ALG8: variants seen among roughly 807,000 people sequenced by gnomAD.
The protein encoded by ALG8 is dolichyl pyrophosphate Glc1Man9GlcNAc2 alpha-1,3-glucosyltransferase.
A neutral mutation model predicts 70.2 loss-of-function variants in ALG8; 48 were observed. The ratio of observed to expected loss-of-function variants is 0.68; its 90% CI spans 0.54 to 0.87. ALG8 has a LOEUF of 0.87. ALG8 is among the 40% of genes least tolerant of loss of function. The probability of loss-of-function intolerance (pLI) is 0.00; values close to 1 mark genes in which losing one functional copy is unlikely to be tolerated. For missense variants in ALG8, 572 were observed against 608.7 expected, an observed-to-expected ratio of 0.94 and a Z score of 0.64; for synonymous variants, 234 against 229.0, an observed-to-expected ratio of 1.02 and a Z score of -0.20.
intron 9 of ALG8, chr11:78,107,878 G>GACTC (rs1357242946): frequency 1.3e-5 from 2 of 150,998 alleles, no homozygotes; most frequent in African/African-American, 4.9e-5. Flanking sequence ...CGGGCCTAGT[G>GACTC]ACTCACGCCT....
At chr11:78,122,485 T>A (rs890140886) in intron 3 of ALG8, among the ~76,000 whole-genome samples, 3 of 151,756 alleles carry the variant, frequency 2.0e-5, no homozygotes, top group Non-Finnish European at 4.4e-5. Context: ...GGGACAACAG[T>A]CCCCGGCAAC....
rs1255637283 is a variant in ALG8, at chr11:78,112,807, T to C, written c.778-37A>G. 6.2e-6 allele frequency: 10 copies of C among 1,606,568 alleles called. 1 individual carries two copies. In the South Asian group the frequency reaches 1.1e-4, roughly 18 times the overall value. On this transcript the variant is annotated intron_variant, in intron 7 of 12. Coordinates refer to ENST00000299626, the MANE Select transcript of ALG8 (RefSeq NM_024079.5). ...AGAAATGAAACTGATTAAACAGTCATCAATCTTTTTCAAATTCAAAAAGAG... is the reference window on the plus strand; with the variant it reads ...AGAAATGAAACTGATTAAACAGTCACCAATCTTTTTCAAATTCAAAAAGAG...
intron 2 of ALG8, among the ~76,000 whole-genome samples, 167 bp downstream of exon 2, chr11:78,127,191 C>A (rs1861117615): frequency 6.6e-6 from 1 of 152,074 alleles, no homozygotes; most frequent in South Asian, 2.1e-4. Flanking sequence ...GTTGGCCAGG[C>A]TGGTCTCCAA....
chr11:78,113,722 C>CA (rs1434730140), intron 7 of ALG8, among the ~76,000 whole-genome samples, 164 bp downstream of exon 7: 8 of 53,728 alleles, frequency 1.5e-4, no homozygotes, highest in East Asian at 8.2e-4. Context: ...TAAACAAAAA[C>CA]AAAAAAAAAA....
chr11:78,121,925 C>T (rs1860841109), intron 3 of ALG8, among the ~76,000 whole-genome samples: 1 of 152,094 alleles, frequency 6.6e-6, no homozygotes, highest in South Asian at 2.1e-4. Flanking sequence ...TAACAGGTGA[C>T]AAAACAGTAA....
chr11:78,138,515 G>A (rs1251652454), intron 1 of ALG8, among the ~76,000 whole-genome samples: 2 of 152,096 alleles, frequency 1.3e-5, no homozygotes, highest in African/African-American at 4.8e-5. Flanking sequence ...CATCAGTATG[G>A]ACTTACATTC....
In ALG8 at chr11:78,119,255, C is replaced by T. The variant is rs1860713030; in HGVS notation, c.479-6G>A. 5 of 1,607,902 alleles carry T rather than the reference C, an allele frequency of 3.1e-6. No homozygotes were observed. The East Asian group carries it at 8.9e-5, about 29-fold the overall frequency. ...ATTGTACTGAAAATGAATATCTGGA[C>T]TTAGGTCAAGGAAAGACAACAGAGG... On this transcript the variant is annotated splice_region_variant and splice_polypyrimidine_tract_variant and intron_variant, in intron 4 of 12. Transcript: ENST00000299626.
chr11:78,112,918 G>A (rs963192199), intron 7 of ALG8, 148 bp from the exon 8 acceptor site: 4 of 940,310 alleles, frequency 4.3e-6, no homozygotes, highest in Non-Finnish European at 6.3e-6. Flanking sequence ...TCACCACAAT[G>A]TAAGTTCACA....
rs896148127 is a variant in ALG8 at position 78,127,435 on chromosome 11, G to A, written c.97C>T (p.His33Tyr). ...CGGTGTACTTCAAAATCTGTGGAATGGCTACTCAAAACAATTAGATAAATA... is the reference window on the plus strand; with the variant it reads ...CGGTGTACTTCAAAATCTGTGGAATAGCTACTCAAAACAATTAGATAAATA... ...LLKCLLIPTY[H>Y]STDFEVHRNW... The change falls in exon 2 of 13, where the codon CAT becomes TAT. Residue 33 changes from histidine to tyrosine, a missense_variant and splice_region_variant. Transcript: ENST00000299626. The A allele has an allele frequency of 4.3e-6, 7 of 1,613,124 alleles. No individual in the cohort carries two copies. The highest frequency in any genetic ancestry group is 5.9e-6 in the Non-Finnish European group (7 of 1,179,220).
chr11:78,104,265 T>TA, intron 11 of ALG8, 91 bp downstream of exon 11: 1 of 1,215,942 alleles, frequency 8.2e-7, no homozygotes, highest in Non-Finnish European at 1.1e-6. Flanking sequence ...CAAGAGATTT[T>TA]AGAGTTGTTT....
chr11:78,135,864 G>GAAA (rs57209723), intron 1 of ALG8, among the ~76,000 whole-genome samples: 2,364 of 140,764 alleles, frequency 0.017, 77 homozygotes, highest in African/African-American at 0.059. Flanking sequence ...AAATAAATAA[G>GAAA]AAAAAAAAAA....
intron 1 of ALG8, among the ~76,000 whole-genome samples, chr11:78,134,184 C>A (rs1259100964): frequency 6.6e-6 from 1 of 150,910 alleles, no homozygotes; most frequent in Admixed American, 6.6e-5. Context: ...GTCACCCAGG[C>A]TGGAGTGCAA....
Position 78,127,342 on chromosome 11 carries a change from G to A in ALG8, c.174+16C>T. The A allele has an allele frequency of 6.3e-7, 1 of 1,592,424 alleles. No homozygotes were observed. Among genetic ancestry groups the A allele is most frequent in the South Asian group, 1.1e-5 (1 of 89,278 alleles). On this transcript the variant is annotated intron_variant, in intron 2 of 12. Coordinates refer to ENST00000299626, the MANE Select transcript of ALG8 (RefSeq NM_024079.5). ...AGATGAATCTTAAAAAAAAAAAGGT[G>A]AAAATTAAAACTTACCTCATAATAC...
chr11:78,113,418 T>C (rs1302290850), intron 7 of ALG8, among the ~76,000 whole-genome samples: 3 of 152,100 alleles, frequency 2.0e-5, no homozygotes, highest in Admixed American at 6.6e-5. Flanking sequence ...TCTGAAAGAA[T>C]ACTACCTTAT....
intron 1 of ALG8, 58 bp downstream of exon 1, chr11:78,139,436 C>G: frequency 6.6e-7 from 1 of 1,522,486 alleles, no homozygotes; most frequent in African/African-American, 1.4e-5. Flanking sequence ...CCTTTCTCTC[C>G]CGCCCTGACC....
rs114660465 is a variant in ALG8 at position 78,106,513 on chromosome 11, A to G, written c.1178+294T>C. The stretch of plus-strand genomic sequence containing the variant: ...CGCCCGGCCAGCCCAGGTTTTTTCT[A>G]TAACATACTGTCCCTCAATGATCAG... On this transcript the variant is annotated intron_variant, in intron 10 of 12. Coordinates refer to ENST00000299626, the MANE Select transcript of ALG8 (RefSeq NM_024079.5). 9.5e-3 allele frequency among the ~76,000 whole-genome samples: 1,444 copies of G among 152,076 alleles called. 20 individuals carry two copies. Among genetic ancestry groups the G allele is most frequent in the African/African-American group, 0.033 (1,354 of 41,516 alleles).
chr11:78,112,051 C>G (rs1459983265), intron 8 of ALG8, among the ~76,000 whole-genome samples: 1 of 152,080 alleles, frequency 6.6e-6, no homozygotes, highest in Non-Finnish European at 1.5e-5. Flanking sequence ...GTGGGAGGAT[C>G]ATTTGAGACC....
chr11:78,112,909 C>T lies in ALG8; in HGVS notation c.778-139G>A, dbSNP rs1438361689. ...TCTAGTAAGTAAGTGGTTATATGCT[C>T]ACCACAATGTAAGTTCACAGAACCT... On this transcript the variant is annotated intron_variant, in intron 7 of 12. Transcript: ENST00000299626. 4 of 1,002,160 alleles carry T rather than the reference C, an allele frequency of 4.0e-6. No homozygotes were observed. In the East Asian group the frequency reaches 8.4e-5, roughly 21 times the overall value. 62.1% of individuals were successfully genotyped at this position (1,002,160 alleles called of 1,614,324 possible).
At chr11:78,120,775 A>AAT (rs1023445923) in intron 4 of ALG8, among the ~76,000 whole-genome samples, 1 of 152,238 alleles carries the variant, frequency 6.6e-6, no homozygotes, top group Non-Finnish European at 1.5e-5. Flanking sequence ...AAAACTATTT[A>AAT]ATATATATGT....
Sources: gnomAD v4.1 joint callset for allele counts (sites outside exome capture counted in the v4.1 genomes callset) on GRCh38, gnomAD v4.1.1 for gene constraint, MANE v1.5 for transcripts, NCBI Gene and HGNC (gene_info 2026-07-23, HGNC 2026-07-21) for gene names.